The following EPB41L2 variants were observed in gnomAD, a reference collection of about 807,000 sequenced individuals.
EPB41L2 encodes erythrocyte membrane protein band 4.1 like 2.
A neutral mutation model predicts 113.0 loss-of-function variants in EPB41L2; 43 were observed. The ratio of observed to expected loss-of-function variants is 0.38; its 90% confidence interval spans 0.30 to 0.49. The LOEUF is 0.49. Among genes scored for constraint, EPB41L2 ranks in the 20% least tolerant of loss-of-function variants. EPB41L2 has a pLI of 0.95. For synonymous variants in EPB41L2, 442 were observed against 436.7 expected, an observed-to-expected ratio of 1.01 and a Z score of -0.15; for missense variants, 1,147 against 1,223.4, an observed-to-expected ratio of 0.94 and a Z score of 0.93.
intron 1 of EPB41L2, among the ~76,000 whole-genome samples, chr6:130,992,755 C>G (rs1361129284): frequency 6.6e-6 from 1 of 152,046 alleles, no homozygotes; most frequent in African/African-American, 2.4e-5. Flanking sequence ...CTCAGCCTCC[C>G]AAGCAGCTGG....
chr6:131,052,861 C>T (rs1335091149), intron 1 of EPB41L2, among the ~76,000 whole-genome samples: 1 of 151,862 alleles, frequency 6.6e-6, no homozygotes, highest in African/African-American at 2.4e-5. Context: ...TCACCCCCTA[C>T]AGAAACATCA....
At chr6:130,954,222 T>C (rs1464550061) in intron 3 of EPB41L2, among the ~76,000 whole-genome samples, 1 of 151,728 alleles carries the variant, frequency 6.6e-6, no homozygotes, top group African/African-American at 2.4e-5. Flanking sequence ...CTGGCTAATT[T>C]TTTTGTATTT....
chr6:130,965,070 A>G (rs1339202217), intron 1 of EPB41L2, among the ~76,000 whole-genome samples: 7 of 152,320 alleles, frequency 4.6e-5, no homozygotes, highest in Non-Finnish European at 1.0e-4. Flanking sequence ...GCATGTTCTA[A>G]TGGACCACCC....
intron 14 of EPB41L2, among the ~76,000 whole-genome samples, chr6:130,877,836 T>G (rs1206836178): frequency 1.5e-5 from 1 of 65,480 alleles, no homozygotes; most frequent in East Asian, 0.029. Flanking sequence ...TATATAACAA[T>G]TCATTACTAC....
At chr6:130,979,716 A>G (rs1778960301) in intron 1 of EPB41L2, among the ~76,000 whole-genome samples, 1 of 152,184 alleles carries the variant, frequency 6.6e-6, no homozygotes, top group Non-Finnish European at 1.5e-5. Flanking sequence ...ATGAAGTTAG[A>G]AAGAGACTTC....
intron 12 of EPB41L2, among the ~76,000 whole-genome samples, chr6:130,884,837 A>G (rs1790429128): frequency 6.6e-6 from 1 of 152,224 alleles, no homozygotes; most frequent in African/African-American, 2.4e-5. Context: ...TGAGGATTCA[A>G]TTAGATAAGG....
intron 3 of EPB41L2, among the ~76,000 whole-genome samples, chr6:130,932,716 C>T (rs776968335): frequency 8.5e-5 from 13 of 152,206 alleles, no homozygotes; most frequent in Non-Finnish European, 1.2e-4. Flanking sequence ...TTATTACTTT[C>T]AGATACTGAG....
chr6:130,954,052 T>TC (rs1489755496), intron 3 of EPB41L2, among the ~76,000 whole-genome samples: 3 of 100,132 alleles, frequency 3.0e-5, no homozygotes, highest in Admixed American at 2.1e-4. Flanking sequence ...TTTTTTTTTT[T>TC]TTTTTTTTTT....
At chr6:130,920,786 A>C (rs1476005907) in intron 4 of EPB41L2, among the ~76,000 whole-genome samples, 1 of 152,174 alleles carries the variant, frequency 6.6e-6, no homozygotes, top group Non-Finnish European at 1.5e-5. Context: ...CTGGGATTAC[A>C]GGTATGAGCC....
intron 1 of EPB41L2, among the ~76,000 whole-genome samples, chr6:130,995,503 A>AAAC (rs1240174506): frequency 3.3e-5 from 5 of 152,196 alleles, no homozygotes; most frequent in Non-Finnish European, 7.3e-5. Flanking sequence ...CCTGTCTCAA[A>AAAC]AATAATAATA....
chr6:130,858,376 G>A (rs1780953092), intron 18 of EPB41L2, 133 bp from the exon 19 acceptor site: 2 of 629,376 alleles, frequency 3.2e-6, no homozygotes, highest in Non-Finnish European at 5.5e-6. Context: ...ATTTGAGAAA[G>A]CAGGAAGATT....
At chr6:131,024,647 C>T (rs1034040337) in intron 1 of EPB41L2, among the ~76,000 whole-genome samples, 1 of 151,308 alleles carries the variant, frequency 6.6e-6, no homozygotes, top group African/African-American at 2.4e-5. Flanking sequence ...CAAGTTATCT[C>T]CCAGATGTCT....
chr6:130,924,943 T>C (rs1804149984), intron 4 of EPB41L2, among the ~76,000 whole-genome samples: 1 of 152,078 alleles, frequency 6.6e-6, no homozygotes, highest in African/African-American at 2.4e-5. Flanking sequence ...ATTCATAGAA[T>C]AATGGGGAGA....
chr6:130,882,173 G>C (rs570527968), intron 12 of EPB41L2: 42 of 152,312 alleles, frequency 2.8e-4, no homozygotes, highest in African/African-American at 9.9e-4. Context: ...AAAATGGAGA[G>C]ACCCTGTATG....
chr6:131,007,261 T>C (rs1785812035), intron 1 of EPB41L2, among the ~76,000 whole-genome samples: 1 of 152,212 alleles, frequency 6.6e-6, no homozygotes. Flanking sequence ...TGTAGTTTTA[T>C]AAGGGGCTTC....
In EPB41L2 at chr6:130,865,745, T is replaced by C. The variant is rs1783544532; in HGVS notation, c.2731-111A>G. 2.7e-6 allele frequency: 3 copies of C among 1,112,560 alleles called. No homozygotes were observed. In the Admixed American group the frequency reaches 6.2e-5, roughly 23 times the overall value. 68.9% of individuals were successfully genotyped at this position (1,112,560 alleles called of 1,614,324 possible). ...TCTTTTAAAATCCATGTGGTTTGCG[T>C]GTTTGCAGTAGTAATTACCATCCAG... On this transcript the variant is annotated intron_variant, in intron 16 of 19. Transcript: ENST00000337057.
At position 130,890,475 on chromosome 6, in the gene EPB41L2, G is replaced by GGAA. The variant is rs1792458221; in HGVS notation, c.1488-12_1488-10dup. On this transcript the variant is annotated splice_polypyrimidine_tract_variant and intron_variant, in intron 10 of 19. Transcript: ENST00000337057. ...GCTCTGGAGAAACAAGCCTATGGGAGGAAAAAAAAAAAAAAAGAGAGAGAG... is the reference window on the plus strand; with the variant it reads ...GCTCTGGAGAAACAAGCCTATGGGAGGAAGAAAAAAAAAAAAAAAGAGAGAGAG... 3.1e-5 allele frequency: 36 copies of GGAA among 1,179,778 alleles called. No homozygotes were observed. In the South Asian group the frequency reaches 6.3e-4, roughly 21 times the overall value. 73.1% of individuals were successfully genotyped at this position (1,179,778 alleles called of 1,614,324 possible).
chr6:131,050,326 G>A (rs13191751), intron 1 of EPB41L2, among the ~76,000 whole-genome samples: 18,001 of 152,050 alleles, frequency 0.12, 1,905 homozygotes, highest in African/African-American at 0.28. Flanking sequence ...GCAACAGAGC[G>A]AGACTCTGTC....
chr6:130,855,702 A>G (rs1350801300), intron 19 of EPB41L2, among the ~76,000 whole-genome samples: 1 of 152,234 alleles, frequency 6.6e-6, no homozygotes, highest in Admixed American at 6.5e-5. Flanking sequence ...CTTATGTTCA[A>G]GGAAAAGAAG....
Sources: gnomAD v4.1 joint callset for allele counts (sites outside exome capture counted in the v4.1 genomes callset) on GRCh38, gnomAD v4.1.1 for gene constraint, MANE v1.5 for transcripts, NCBI Gene and HGNC (gene_info 2026-07-23, HGNC 2026-07-21) for gene names.